Variants in WWP1 observed in about 807,000 individuals in gnomAD.
The protein encoded by WWP1 is WW domain containing E3 ubiquitin protein ligase 1.
Under a neutral mutation model 130.6 loss-of-function variants are expected in WWP1, and 49 were observed. The observed-to-expected ratio is 0.38, with a 90% CI of 0.30 to 0.48. The LOEUF (loss-of-function observed/expected upper bound fraction) is 0.48, where lower values mean the gene tolerates loss of function less well. Among genes scored for constraint, WWP1 ranks in the 20% least tolerant of loss-of-function variants. The probability of loss-of-function intolerance (pLI) is 0.99; values close to 1 mark genes in which losing one functional copy is unlikely to be tolerated. For missense variants in WWP1, 809 were observed against 1,100.6 expected, an observed-to-expected ratio of 0.74 and a Z score of 3.75; for synonymous variants, 332 against 367.8, an observed-to-expected ratio of 0.90 and a Z score of 1.11.
At chr8:86,457,190 T>C (rs971679854) in intron 21 of WWP1, among the ~76,000 whole-genome samples, 2 of 151,996 alleles carry the variant, frequency 1.3e-5, no homozygotes, top group African/African-American at 4.8e-5. Flanking sequence ...CATATTTTAC[T>C]ATACCTAAAA....
chr8:86,422,046 A>G (rs1264002208), intron 9 of WWP1, among the ~76,000 whole-genome samples: 3 of 152,082 alleles, frequency 2.0e-5, no homozygotes, highest in Non-Finnish European at 4.4e-5. Flanking sequence ...TCACATTTAA[A>G]AACAGAATCT....
chr8:86,359,564 T>C (rs565159049), intron 1 of WWP1, among the ~76,000 whole-genome samples: 2 of 152,256 alleles, frequency 1.3e-5, no homozygotes, highest in East Asian at 3.9e-4. Context: ...AACATTTCCT[T>C]AACTTTCTTT....
At chr8:86,354,209 C>G (rs1370492666) in intron 1 of WWP1, among the ~76,000 whole-genome samples, 1 of 152,150 alleles carries the variant, frequency 6.6e-6, no homozygotes, top group Non-Finnish European at 1.5e-5. Context: ...ACTTAGTTTT[C>G]AGTACATATT....
At chr8:86,361,378 T>C (rs1478664345) in intron 1 of WWP1, among the ~76,000 whole-genome samples, 1 of 152,144 alleles carries the variant, frequency 6.6e-6, no homozygotes, top group Non-Finnish European at 1.5e-5. Flanking sequence ...TTCTTCTCTT[T>C]CCCCTAATTT....
At chr8:86,434,635 CTTAT>C (rs1810186952) in intron 14 of WWP1, among the ~76,000 whole-genome samples, 1 of 152,038 alleles carries the variant, frequency 6.6e-6, no homozygotes, top group African/African-American at 2.4e-5. Flanking sequence ...TTGTACTTTA[CTTAT>C]TTATTATATT....
In WWP1 at chr8:86,342,577, G is replaced by A. The variant is rs1397653146; in HGVS notation, c.-468G>A. 6.6e-6 allele frequency among the ~76,000 whole-genome samples: 1 copy of A among 151,068 alleles called. No homozygotes were observed. Among genetic ancestry groups the A allele is most frequent in the African/African-American group, 2.4e-5 (1 of 41,260 alleles). ...GGGTCCGGAGTTGGAGGCTTTGGGC[G>A]GCCGCGGCGTAGCGCGCGGTGCCGG... On this transcript the variant is annotated 5_prime_UTR_variant, in exon 1 of 25. Transcript: ENST00000517970.
At chr8:86,451,366 C>T (rs6988601) in intron 20 of WWP1, among the ~76,000 whole-genome samples, 2 of 151,606 alleles carry the variant, frequency 1.3e-5, no homozygotes, top group South Asian at 2.1e-4. Flanking sequence ...GCTATAGTGG[C>T]GCCTACAGTG....
intron 1 of WWP1, among the ~76,000 whole-genome samples, chr8:86,364,279 G>C (rs1823833563): frequency 1.3e-5 from 2 of 152,128 alleles, no homozygotes. Context: ...TAATAGTTTA[G>C]AGTAGGTGGG....
intron 5 of WWP1, among the ~76,000 whole-genome samples, chr8:86,390,603 A>C (rs1260551844): frequency 6.6e-6 from 1 of 152,094 alleles, no homozygotes; most frequent in Non-Finnish European, 1.5e-5. Context: ...CTGAGGCAGG[A>C]GAATCAGGCA....
intron 11 of WWP1, among the ~76,000 whole-genome samples, chr8:86,428,499 G>T (rs957361785): frequency 6.6e-6 from 1 of 152,170 alleles, no homozygotes; most frequent in Admixed American, 6.5e-5. Flanking sequence ...CTAAAATATA[G>T]AAGCTAGCAG....
intron 16 of WWP1, among the ~76,000 whole-genome samples, chr8:86,436,760 G>A (rs773331204): frequency 9.9e-5 from 15 of 152,050 alleles, no homozygotes; most frequent in Non-Finnish European, 1.9e-4. Context: ...ATAATGAGAC[G>A]TCTTATTCCC....
At chr8:86,404,284 G>A (rs1201761720) in intron 8 of WWP1, among the ~76,000 whole-genome samples, 1 of 152,180 alleles carries the variant, frequency 6.6e-6, no homozygotes, top group African/African-American at 2.4e-5. Flanking sequence ...TGGATTTGGA[G>A]GTTTTGATCT....
chr8:86,382,436 T>C (rs560183670), intron 5 of WWP1, among the ~76,000 whole-genome samples: 81 of 152,242 alleles, frequency 5.3e-4, no homozygotes, highest in African/African-American at 1.9e-3. Flanking sequence ...TGGTGGCTCA[T>C]GCCTGTAATC....
intron 5 of WWP1, among the ~76,000 whole-genome samples, chr8:86,383,893 C>A (rs1294189781): frequency 1.3e-5 from 2 of 152,138 alleles, no homozygotes; most frequent in Non-Finnish European, 2.9e-5. Flanking sequence ...CCTAAGAAGT[C>A]GGTAAATTAG....
At chr8:86,349,695 A>G (rs1240693292) in intron 1 of WWP1, among the ~76,000 whole-genome samples, 2 of 151,986 alleles carry the variant, frequency 1.3e-5, no homozygotes, top group East Asian at 1.9e-4. Flanking sequence ...AAAAGAGGAG[A>G]ACATTTGTGG....
At chr8:86,431,271 T>G in intron 12 of WWP1, 135 bp from the exon 13 acceptor site, 1 of 182,048 alleles carries the variant, frequency 5.5e-6, no homozygotes, top group Non-Finnish European at 1.1e-5. Context: ...ATATATTCTA[T>G]AATATATAAG....
At chr8:86,403,991 A>G (rs1808142654) in intron 8 of WWP1, among the ~76,000 whole-genome samples, 1 of 152,236 alleles carries the variant, frequency 6.6e-6, no homozygotes, top group African/African-American at 2.4e-5. Context: ...TTATTTCTAA[A>G]TTAAGAACAG....
intron 23 of WWP1, chr8:86,461,558 C>T (rs966828524): frequency 4.0e-5 from 25 of 623,670 alleles, no homozygotes; most frequent in Middle Eastern, 4.2e-4. Flanking sequence ...GTGAAGGGAG[C>T]GACATTCTGT....
rs140827684 is a variant in WWP1, at chr8:86,401,699, A to T, written c.540-320A>T. 1.7e-3 allele frequency among the ~76,000 whole-genome samples: 263 copies of T among 152,282 alleles called. 3 individuals are homozygous for T. Among genetic ancestry groups the T allele is most frequent in the African/African-American group, 6.1e-3 (253 of 41,572 alleles). On this transcript the variant is annotated intron_variant, in intron 7 of 24. Transcript: ENST00000517970. ...ATTTAAAATGTACAATTTGAATATT[A>T]TTGTGGGAGACCGTATTTATTTTGA...
Sources: gnomAD v4.1 joint callset for allele counts (sites outside exome capture counted in the v4.1 genomes callset) on GRCh38, gnomAD v4.1.1 for gene constraint, MANE v1.5 for transcripts, NCBI Gene and HGNC (gene_info 2026-07-23, HGNC 2026-07-21) for gene names.